The following DLEU7 variants were observed in gnomAD, a reference collection of about 807,000 sequenced individuals.
DLEU7 encodes the protein leukemia-associated protein 7.
In DLEU7, 17 loss-of-function variants were observed where a neutral mutation model predicts 16.0. The ratio of observed to expected loss-of-function variants is 1.06; its 90% CI spans 0.73 to 1.59. The LOEUF (loss-of-function observed/expected upper bound fraction) is 1.59, where lower values mean the gene tolerates loss of function less well. Among genes scored for constraint, DLEU7 ranks in the 40% most tolerant of loss-of-function variants. The probability of loss-of-function intolerance (pLI) is 0.00; values close to 1 mark genes in which losing one functional copy is unlikely to be tolerated. For synonymous variants in DLEU7, 113 were observed against 139.8 expected, an observed-to-expected ratio of 0.81 and a Z score of 1.35; for missense variants, 308 against 314.9, an observed-to-expected ratio of 0.98 and a Z score of 0.17.
chr13:50,819,095 C>T (rs1426610118), downstream of DLEU7, among the ~76,000 whole-genome samples: 2 of 152,068 alleles, frequency 1.3e-5, no homozygotes, highest in African/African-American at 4.8e-5. Context: ...CAAATTCAGG[C>T]CATTGTGAGA....
downstream of DLEU7, among the ~76,000 whole-genome samples, chr13:50,821,436 C>G (rs987140739): frequency 3.3e-5 from 5 of 152,108 alleles, no homozygotes; most frequent in African/African-American, 1.2e-4. Context: ...TCTAGATAAT[C>G]CCTATCTTCA....
chr13:50,762,044 T>A (rs1874948157), intron 1 of DLEU7, among the ~76,000 whole-genome samples: 1 of 151,292 alleles, frequency 6.6e-6, no homozygotes, highest in African/African-American at 2.4e-5. Flanking sequence ...CAAAAAAAAT[T>A]AGCCAGGCGT....
At position 50,843,430 on chromosome 13, in the gene DLEU7, C is replaced by T; in HGVS notation, c.217G>A (p.Gly73Arg). Reference protein sequence around the residue: ...PGREERGGGVGTRSRRTAARA... With the variant: ...PGREERGGGVRTRSRRTAARA... Reference sequence around the variant, plus strand: ...GCCGCGGTCCGCCGACTCCTGGTCCCCACGCCCCCGCCCCGCTCCTCGCGC... The same window carrying T: ...GCCGCGGTCCGCCGACTCCTGGTCCTCACGCCCCCGCCCCGCTCCTCGCGC... Residue 73 changes from glycine to arginine, a missense_variant, in exon 1 of 2, where the codon GGG becomes AGG. Transcript: ENST00000504404. This position sits in a 1 kb window ranked among gnomAD's most constrained non-coding sequence, Gnocchi z 5.7. The T allele has an allele frequency of 1.5e-6, 2 of 1,320,664 alleles. No individual in the cohort carries two copies. The highest frequency in any genetic ancestry group is 4.2e-5 in the Admixed American group (1 of 23,986). The allele number at this position is 1,320,664 out of a possible 1,614,324, so 81.8% of individuals were successfully genotyped here.
intron 1 of DLEU7, among the ~76,000 whole-genome samples, chr13:50,835,349 G>A (rs1390009075): frequency 6.6e-6 from 1 of 152,118 alleles, no homozygotes; most frequent in East Asian, 1.9e-4. Flanking sequence ...GGGGTGACAG[G>A]GGCTTCTTGG....
At chr13:50,810,736 A>G (rs1403806237) in intron 1 of DLEU7, among the ~76,000 whole-genome samples, 7 of 152,252 alleles carry the variant, frequency 4.6e-5, no homozygotes, top group East Asian at 1.9e-4. Flanking sequence ...TCAGCAATCT[A>G]TAAGTGTTGT....
At chr13:50,820,296 A>G (rs1296459200), downstream of DLEU7, among the ~76,000 whole-genome samples, 1 of 151,698 alleles carries the variant, frequency 6.6e-6, no homozygotes, top group Non-Finnish European at 1.5e-5. Context: ...TGTTAAGAGG[A>G]GCAAAAAAAA....
chr13:50,816,851 G>C (rs74078454), intron 1 of DLEU7, among the ~76,000 whole-genome samples: 5,342 of 152,078 alleles, frequency 0.035, 317 homozygotes, highest in African/African-American at 0.12. Context: ...ATCAGGCTTA[G>C]TGTACCTCTT....
upstream of DLEU7, chr13:50,843,808 G>A: frequency 6.1e-6 from 6 of 985,134 alleles, no homozygotes; most frequent in Non-Finnish European, 8.5e-6. The surrounding 1 kb of genome is among the most constrained non-coding windows in gnomAD (Gnocchi z 5.7). Context: ...CTGAATCGGT[G>A]ACCCGTGCTG....
chr13:50,737,473 G>A lies in DLEU7; in HGVS notation c.460-24233C>T, dbSNP rs371610273. Among the ~76,000 whole-genome samples the A allele has an allele frequency of 4.6e-5, 7 of 152,120 alleles. 1 individual carries two copies. The highest frequency in any genetic ancestry group is 3.3e-4 in the Admixed American group (5 of 15,286). On this transcript the variant is annotated intron_variant, in intron 1 of 1. Transcript: ENST00000400393. Reference sequence around the variant, plus strand: ...CTATTGGAGCCATTTTCTCAACAGCGTGTGCTTGTTTTGTGTCTCTGTGAT... The same window carrying A: ...CTATTGGAGCCATTTTCTCAACAGCATGTGCTTGTTTTGTGTCTCTGTGAT...
chr13:50,740,340 A>G (rs1457575865), intron 1 of DLEU7, among the ~76,000 whole-genome samples: 1 of 152,150 alleles, frequency 6.6e-6, no homozygotes, highest in Non-Finnish European at 1.5e-5. Flanking sequence ...ATTTAAATCC[A>G]TGTCCACACA....
intron 1 of DLEU7, among the ~76,000 whole-genome samples, chr13:50,737,993 C>T (rs565401471): frequency 2.6e-5 from 4 of 152,100 alleles, no homozygotes; most frequent in East Asian, 1.9e-4. Flanking sequence ...AGTAAACACA[C>T]GAATGATAAG....
At chr13:50,734,281 T>C (rs1331465783) in intron 1 of DLEU7, among the ~76,000 whole-genome samples, 2 of 152,220 alleles carry the variant, frequency 1.3e-5, no homozygotes, top group Non-Finnish European at 2.9e-5. Context: ...TGTTTTAATG[T>C]GAAATTAGAC....
intron 1 of DLEU7, among the ~76,000 whole-genome samples, chr13:50,753,219 C>T (rs960902077): frequency 6.6e-6 from 1 of 152,268 alleles, no homozygotes; most frequent in Admixed American, 6.5e-5. Context: ...ACATCCCCAC[C>T]AGACTCAGGA....
intron 1 of DLEU7, among the ~76,000 whole-genome samples, chr13:50,841,481 C>G (rs1877657694): frequency 6.6e-6 from 1 of 152,040 alleles, no homozygotes; most frequent in African/African-American, 2.4e-5. Context: ...TTTTGCCAGC[C>G]TTACCTATGC....
chr13:50,795,268 C>G (rs1876079987), intron 1 of DLEU7, among the ~76,000 whole-genome samples: 1 of 152,096 alleles, frequency 6.6e-6, no homozygotes, highest in Non-Finnish European at 1.5e-5. Flanking sequence ...CTCCAGTGGC[C>G]TCCTCCCCAA....
chr13:50,784,834 C>G (rs1875755601), intron 1 of DLEU7, among the ~76,000 whole-genome samples: 1 of 152,188 alleles, frequency 6.6e-6, no homozygotes. Flanking sequence ...GGAACCTGTC[C>G]TGCAGCTCTG....
In DLEU7 at chr13:50,748,228, C is replaced by CTTTTTTTT. The variant is rs71085044; in HGVS notation, c.460-34996_460-34989dup. On this transcript the variant is annotated intron_variant, in intron 1 of 1. Transcript: ENST00000400393. Reference sequence around the variant, plus strand: ...TTACTTCTTACACAGACTCCTTAAACTTTTTTTTTTTTTTTTTTTTTTTGT... The same window carrying CTTTTTTTT: ...TTACTTCTTACACAGACTCCTTAAACTTTTTTTTTTTTTTTTTTTTTTTTTTTTTTTGT... 5.8e-3 allele frequency among the ~76,000 whole-genome samples: 521 copies of CTTTTTTTT among 89,266 alleles called. 2 individuals carry two copies. The highest frequency in any genetic ancestry group is 0.02 in the East Asian group (50 of 2,558). The allele number at this position is 89,266 out of a possible 152,430, so 58.6% of individuals were successfully genotyped here.
At chr13:50,728,925 C>T (rs940477660) in intron 1 of DLEU7, among the ~76,000 whole-genome samples, 7 of 152,232 alleles carry the variant, frequency 4.6e-5, no homozygotes, top group African/African-American at 1.4e-4. Flanking sequence ...ACAGTTGACC[C>T]TTTACAGGGG....
chr13:50,734,587 A>G (rs977772035), intron 1 of DLEU7, among the ~76,000 whole-genome samples: 1 of 152,174 alleles, frequency 6.6e-6, no homozygotes, highest in Non-Finnish European at 1.5e-5. Flanking sequence ...GAATATTAAC[A>G]TTTAGAAAAA....
Sources: allele counts gnomAD v4.1 joint callset (sites outside exome capture counted in the v4.1 genomes callset), GRCh38; gene constraint gnomAD v4.1.1; non-coding constraint Gnocchi (gnomAD v3.1); transcripts MANE v1.5; gene names NCBI Gene and HGNC (gene_info 2026-07-23, HGNC 2026-07-21).